The following CNTN5 variants were observed in gnomAD, a reference collection of about 807,000 sequenced individuals.
CNTN5 encodes the protein contactin-5.
CNTN5 carries 77 observed loss-of-function variants against 129.1 expected under a neutral mutation model. The observed-to-expected ratio is 0.60, with a 90% confidence interval of 0.50 to 0.72. The LOEUF is 0.72. Ranked by LOEUF, CNTN5 falls within the 30% of genes least tolerant of loss-of-function variation. The pLI, the probability that CNTN5 is intolerant of heterozygous loss-of-function variation, is 0.00. For missense variants in CNTN5, 1,478 were observed against 1,328.8 expected, an observed-to-expected ratio of 1.11 and a Z score of -1.75; for synonymous variants, 509 against 465.6, an observed-to-expected ratio of 1.09 and a Z score of -1.20.
At chr11:99,874,370 C>T (rs1656829017) in intron 6 of CNTN5, among the ~76,000 whole-genome samples, 1 of 152,138 alleles carries the variant, frequency 6.6e-6, no homozygotes, top group Admixed American at 6.5e-5. Context: ...TGGTTTAGAG[C>T]TCAACATGTT....
chr11:99,883,699 T>C (rs916407257), intron 6 of CNTN5, among the ~76,000 whole-genome samples: 7 of 152,222 alleles, frequency 4.6e-5, no homozygotes, highest in Admixed American at 1.3e-4. Context: ...GGAGTTTATG[T>C]ATTTATAAAG....
intron 1 of CNTN5, among the ~76,000 whole-genome samples, chr11:99,151,994 T>G (rs1276077866): frequency 6.6e-6 from 1 of 152,086 alleles, no homozygotes; most frequent in African/African-American, 2.4e-5. Context: ...TGTTCTGTAC[T>G]TGTATCCCAG....
At chr11:99,625,444 C>T (rs997172294) in intron 3 of CNTN5, among the ~76,000 whole-genome samples, 2 of 152,090 alleles carry the variant, frequency 1.3e-5, no homozygotes, top group African/African-American at 4.8e-5. Flanking sequence ...TCTACTAATA[C>T]TGGTTATTTC....
intron 13 of CNTN5, among the ~76,000 whole-genome samples, chr11:100,142,009 G>A (rs1303885591): frequency 2.7e-5 from 4 of 150,668 alleles, no homozygotes; most frequent in African/African-American, 9.7e-5. Flanking sequence ...GAGAGGAAAG[G>A]CAAGTTTACT....
At chr11:99,411,378 G>C (rs754691799) in intron 2 of CNTN5, among the ~76,000 whole-genome samples, 1 of 152,056 alleles carries the variant, frequency 6.6e-6, no homozygotes, top group Admixed American at 6.6e-5. Context: ...AAATTATATG[G>C]GTGTGGTGGT....
chr11:99,743,583 G>A (rs1009841293), intron 3 of CNTN5, among the ~76,000 whole-genome samples: 4 of 152,130 alleles, frequency 2.6e-5, no homozygotes, highest in African/African-American at 9.7e-5. Context: ...TAAGTAATGA[G>A]TGTTTCTTAC....
chr11:100,248,044 G>T (rs559219069), intron 16 of CNTN5, among the ~76,000 whole-genome samples: 1 of 152,262 alleles, frequency 6.6e-6, no homozygotes, highest in East Asian at 1.9e-4. Flanking sequence ...TGCCATGCCT[G>T]CTTCCCTTTT....
chr11:99,592,535 C>T (rs1950010019), intron 3 of CNTN5, among the ~76,000 whole-genome samples: 1 of 151,956 alleles, frequency 6.6e-6, no homozygotes, highest in Admixed American at 6.6e-5. Context: ...AGACGCCAAG[C>T]TGGAGTTGGG....
At chr11:99,869,476 A>G (rs1193571339) in intron 6 of CNTN5, among the ~76,000 whole-genome samples, 1 of 152,202 alleles carries the variant, frequency 6.6e-6, no homozygotes, top group African/African-American at 2.4e-5. Context: ...ATAATTTTAA[A>G]CTGAGATTAC....
At chr11:99,650,329 G>A (rs1332379836) in intron 3 of CNTN5, among the ~76,000 whole-genome samples, 3 of 151,742 alleles carry the variant, frequency 2.0e-5, no homozygotes, top group African/African-American at 7.2e-5. Context: ...AAAGTGTTTT[G>A]GTAGGCATGA....
intron 6 of CNTN5, among the ~76,000 whole-genome samples, chr11:99,899,053 C>G (rs1250874799): frequency 6.6e-6 from 1 of 151,940 alleles, no homozygotes; most frequent in African/African-American, 2.4e-5. Flanking sequence ...GGAAGTGCTA[C>G]TGACTTTTGT....
chr11:99,623,046 A>G (rs1237304210), intron 3 of CNTN5, among the ~76,000 whole-genome samples: 2 of 152,128 alleles, frequency 1.3e-5, no homozygotes, highest in South Asian at 4.1e-4. Flanking sequence ...TCTTTGTTAT[A>G]GATAGCAGTA....
chr11:99,581,127 T>A (rs1451785728), intron 3 of CNTN5, among the ~76,000 whole-genome samples: 1 of 142,624 alleles, frequency 7.0e-6, no homozygotes, highest in African/African-American at 2.7e-5. Context: ...TCAGTTTCCA[T>A]GTAGTTGAGC....
chr11:99,260,119 A>T (rs1862561598), intron 1 of CNTN5, among the ~76,000 whole-genome samples: 1 of 151,802 alleles, frequency 6.6e-6, no homozygotes. Flanking sequence ...ATCTGTATGT[A>T]GTCTAATGTG....
chr11:100,327,062 C>A (rs950961235), intron 21 of CNTN5, among the ~76,000 whole-genome samples: 26 of 152,104 alleles, frequency 1.7e-4, no homozygotes, highest in African/African-American at 6.3e-4. Flanking sequence ...GCCTTTTTAA[C>A]AAAAGGAAGT....
At chr11:99,590,837 G>T (rs1208013853) in intron 3 of CNTN5, among the ~76,000 whole-genome samples, 1 of 151,874 alleles carries the variant, frequency 6.6e-6, no homozygotes, top group Non-Finnish European at 1.5e-5. Context: ...ACAACACCAG[G>T]GATGCTAGCA....
intron 13 of CNTN5, among the ~76,000 whole-genome samples, chr11:100,134,083 T>A (rs186386815): frequency 2.6e-5 from 4 of 152,196 alleles, no homozygotes; most frequent in Admixed American, 2.6e-4. Flanking sequence ...ATAAATGATA[T>A]CTTTAAACTC....
intron 1 of CNTN5, among the ~76,000 whole-genome samples, chr11:99,182,756 C>A (rs79579103): frequency 0.025 from 3,824 of 152,206 alleles, 162 homozygotes; most frequent in African/African-American, 0.086. Context: ...ATACCAATAA[C>A]ATTGTAACAG....
At chr11:99,127,640 C>T (rs1247706421) in intron 1 of CNTN5, among the ~76,000 whole-genome samples, 2 of 152,206 alleles carry the variant, frequency 1.3e-5, no homozygotes, top group African/African-American at 2.4e-5. Flanking sequence ...GTATCCACAT[C>T]AGATTCCTAT....
Sources: gnomAD v4.1 joint callset for allele counts (sites outside exome capture counted in the v4.1 genomes callset) on GRCh38, gnomAD v4.1.1 for gene constraint, MANE v1.5 for transcripts, NCBI Gene and HGNC (gene_info 2026-07-23, HGNC 2026-07-21) for gene names.